FAT1: variants seen among roughly 807,000 people sequenced by gnomAD.
FAT1 encodes protocadherin Fat 1.
FAT1 carries 171 observed loss-of-function variants against 329.8 expected under a neutral mutation model. The observed-to-expected ratio is 0.52, with a 90% CI of 0.46 to 0.59. The LOEUF (loss-of-function observed/expected upper bound fraction) is 0.59. Ranked by LOEUF, FAT1 falls within the 20% of genes least tolerant of loss-of-function variation. The pLI is 0.00. For synonymous variants in FAT1, 2,233 were observed against 2,228.6 expected (o/e 1.00, Z -0.06); for missense variants, 5,672 against 5,774.4 (o/e 0.98, Z 0.57).
At chr4:186,637,791 G>A (rs189409248) in intron 4 of FAT1, among the ~76,000 whole-genome samples, 13 of 152,242 alleles carry the variant, frequency 8.5e-5, no homozygotes, top group African/African-American at 2.6e-4. Flanking sequence ...CACTAAAAAC[G>A]GTCAAGGAGA....
intron 2 of FAT1, among the ~76,000 whole-genome samples, chr4:186,665,942 A>T (rs1742415228): frequency 6.6e-6 from 1 of 150,474 alleles, no homozygotes; most frequent in Non-Finnish European, 1.5e-5. Context: ...AAGGACAAAA[A>T]ACCAAATACT....
At chr4:186,649,183 TAAAACATCACCCAG>T (rs374259131) in intron 3 of FAT1, among the ~76,000 whole-genome samples, 3,261 of 152,230 alleles carry the variant, frequency 0.021, 113 homozygotes, top group African/African-American at 0.074. Context: ...TATTAAGTCC[TAAAACATCACCCAG>T]AATCTTCCTG....
rs1371122333 is a variant in FAT1 at position 186,718,871 on chromosome 4, C to T, written c.-19+4793G>A. Among the ~76,000 whole-genome samples, 6 of 152,018 alleles carry T rather than the reference C, an allele frequency of 3.9e-5. No individual in the cohort carries two copies. In the East Asian group the frequency reaches 7.7e-4, roughly 20 times the overall value. On this transcript the variant is annotated intron_variant, in intron 1 of 26. Transcript: ENST00000441802. ...TGCAGGTCCACCCTGGCAGAACAGC[C>T]GTTCCCGCATCACAAGCTAATGTCA...
intron 9 of FAT1, among the ~76,000 whole-genome samples, chr4:186,627,828 A>G (rs568059512): frequency 2.6e-5 from 4 of 152,328 alleles, no homozygotes; most frequent in South Asian, 2.1e-4. Context: ...AATTTAACCA[A>G]TGTTACAGAA....
Position 186,663,526 on chromosome 4 carries a change from G to A in FAT1, c.3353C>T (p.Pro1118Leu), listed in dbSNP as rs758003613. 2 of 1,612,828 alleles carry A rather than the reference G, an allele frequency of 1.2e-6. No individual in the cohort carries two copies. The highest frequency in any genetic ancestry group is 1.7e-6 in the Non-Finnish European group (2 of 1,179,600). Residue 1118 changes from proline to leucine, a missense_variant, in exon 3 of 27, where the codon CCT becomes CTT. This residue lies in a region of FAT1 where 3,966 missense variants were observed against 3,915.2 expected (regional missense o/e 1.01). Transcript: ENST00000441802. ...GTAGATCTCTATGAACGATGAAAGA[G>A]GCACGACACCCTGATCGGTTGCAAA... ...TVFATDQGVV[P>L]LSSFIEIYIE...
intron 2 of FAT1, among the ~76,000 whole-genome samples, chr4:186,704,587 T>C (rs1744482214): frequency 6.6e-6 from 1 of 152,198 alleles, no homozygotes; most frequent in African/African-American, 2.4e-5. Flanking sequence ...GAAACCTACT[T>C]TGGAGAAGGA....
At chr4:186,616,317 A>C (rs919100577) in intron 11 of FAT1, among the ~76,000 whole-genome samples, 4 of 151,914 alleles carry the variant, frequency 2.6e-5, no homozygotes, top group African/African-American at 9.7e-5. Flanking sequence ...ACCCTTTTCC[A>C]AGACTCTCAG....
intron 26 of FAT1, chr4:186,592,868 G>C: frequency 2.4e-6 from 1 of 416,822 alleles, no homozygotes; most frequent in Middle Eastern, 3.9e-4. Flanking sequence ...ACCGATGAGT[G>C]CTTTAATACA....
intron 3 of FAT1, among the ~76,000 whole-genome samples, chr4:186,649,420 G>A (rs1272034772): frequency 1.3e-5 from 2 of 152,204 alleles, no homozygotes; most frequent in Non-Finnish European, 2.9e-5. Flanking sequence ...TGGAAGCTGT[G>A]AGTGTGAACT....
intron 9 of FAT1, among the ~76,000 whole-genome samples, chr4:186,623,596 G>A (rs1346310326): frequency 6.6e-6 from 1 of 152,194 alleles, no homozygotes; most frequent in Non-Finnish European, 1.5e-5. Flanking sequence ...TCATGTGGAG[G>A]AACGAAGAGA....
Position 186,618,724 on chromosome 4 carries a change from C to T in FAT1, c.7862G>A (p.Ser2621Asn). The T allele has an allele frequency of 6.2e-7, 1 of 1,614,048 alleles. No homozygotes were observed. The highest frequency in any genetic ancestry group is 8.5e-7 in the Non-Finnish European group (1 of 1,179,900). ...KGTSVVKVLASDADEGSNADI... is the reference protein window; with the variant it reads ...KGTSVVKVLANDADEGSNADI... The stretch of plus-strand genomic sequence containing the variant: ...GGCATTGGAGCCCTCATCGGCATCA[C>T]TTGCAAGAACTTTAACGACTGAAGT... The change falls in exon 10 of 27, where the codon AGT becomes AAT. Residue 2621 changes from serine (S) to asparagine (N), a missense_variant. This residue lies in a region of FAT1 where 3,966 missense variants were observed against 3,915.2 expected (regional missense o/e 1.01). Transcript: ENST00000441802.
chr4:186,599,870 T>A (rs1404505963), intron 22 of FAT1, 28 bp downstream of exon 22: 1 of 1,561,788 alleles, frequency 6.4e-7, no homozygotes, highest in South Asian at 1.1e-5. Flanking sequence ...GTGCAGCATT[T>A]TAAAGATGGC....
rs763202351 is a variant in FAT1 at position 186,618,466 on chromosome 4, A to G, written c.8120T>C (p.Phe2707Ser). The G allele has an allele frequency of 6.2e-7, 1 of 1,613,914 alleles. No individual in the cohort carries two copies. Among genetic ancestry groups the G allele is most frequent in the African/African-American group, 1.3e-5 (1 of 74,918 alleles). ...GTCCTCTGACACTGTAAAGGTATAG[A>G]AAGGTTCTGAAAATTTTGGAAGCTG... ...EMQLPKFSEP[F>S]YTFTVSEDVP... Residue 2707 changes from phenylalanine to serine, a missense_variant, in exon 10 of 27, where the codon TTC (phenylalanine) becomes TCC (serine). This residue lies in a region of FAT1 where 3,966 missense variants were observed against 3,915.2 expected (regional missense o/e 1.01). Transcript: ENST00000441802.
intron 1 of FAT1, among the ~76,000 whole-genome samples, chr4:186,723,346 C>T (rs1330889182): frequency 6.6e-6 from 1 of 152,198 alleles, no homozygotes; most frequent in African/African-American, 2.4e-5. Context: ...CCCAGGAGAC[C>T]GCGAGGCCGG....
In FAT1 at chr4:186,636,933, C is replaced by G. The variant is rs370556353; in HGVS notation, c.3643-19G>C. On this transcript the variant is annotated intron_variant, in intron 4 of 26. Coordinates refer to ENST00000441802, the MANE Select transcript of FAT1 (RefSeq NM_005245.4). ...CAGTAACCTGTTTTTTTAAAGTTAA[C>G]AGATTAACATGTTAAGATATACTAT... is the stretch of plus-strand genomic sequence containing the variant. 2.5e-6 allele frequency: 4 copies of G among 1,573,906 alleles called. No homozygotes were observed. Among genetic ancestry groups the G allele is most frequent in the African/African-American group, 1.4e-5 (1 of 73,098 alleles).
chr4:186,724,183 T>A (rs1280013804), upstream of FAT1, among the ~76,000 whole-genome samples: 45 of 71,288 alleles, frequency 6.3e-4, 1 homozygote, highest in South Asian at 0.021. This position sits in a 1 kb window ranked among gnomAD's most constrained non-coding sequence, Gnocchi z 5.3. Flanking sequence ...TTAGCTTAGC[T>A]AAAAAAAAAA....
chr4:186,661,568 ACT>A (rs1415386777), intron 3 of FAT1, among the ~76,000 whole-genome samples: 3 of 152,190 alleles, frequency 2.0e-5, no homozygotes, highest in Admixed American at 1.3e-4. Flanking sequence ...GTACACCCTG[ACT>A]CTACCGGGAC....
At chr4:186,609,415 TTTG>T (rs765020200) in intron 15 of FAT1, 95 bp from the exon 16 acceptor site, 26 of 1,420,168 alleles carry the variant, frequency 1.8e-5, no homozygotes, top group Admixed American at 2.6e-5. Flanking sequence ...GCTGTTTCTT[TTTG>T]TTGTTGTTTT....
rs572691033 is a variant in FAT1, at chr4:186,708,057, C to G, written c.1771G>C (p.Val591Leu). The G allele has an allele frequency of 6.2e-7, 1 of 1,613,956 alleles. No homozygotes were observed. Residue 591 changes from valine (V) to leucine (L), a missense_variant, in exon 2 of 27, where the codon GTT becomes CTT. Around this residue, in one of 2 missense-constraint regions of FAT1, gnomAD observed 3,966 missense variants for 3,915.2 expected, o/e 1.01. Transcript: ENST00000441802. ...AGTTCATCTGCATCAATAGCAGAAACAGTGGTTATTTGCTCTCCCACGCCT... is the reference window on the plus strand; with the variant it reads ...AGTTCATCTGCATCAATAGCAGAAAGAGTGGTTATTTGCTCTCCCACGCCT... ...DLGVGEQITT[V>L]SAIDADELQL...
Sources: allele counts gnomAD v4.1 joint callset (sites outside exome capture counted in the v4.1 genomes callset), GRCh38; gene constraint gnomAD v4.1.1; regional missense constraint gnomAD v4.1.1; non-coding constraint Gnocchi (gnomAD v3.1); transcripts MANE v1.5; gene names NCBI Gene and HGNC (gene_info 2026-07-23, HGNC 2026-07-21).